SLC35D4: variants seen among roughly 807,000 people sequenced by gnomAD.
The protein encoded by SLC35D4 is UDP-N-acetylglucosamine transporter SLC35D4.
At chr18:23,417,417 C>T in the SLC35D4 span, among the ~76,000 whole-genome samples, 19 of 152,168 alleles carry the variant, frequency 1.2e-4, no homozygotes, top group African/African-American at 4.6e-4. Context: ...ATAAGTCAGA[C>T]ACCAAAGAAC....
chr18:23,357,784 G>C, the SLC35D4 span, among the ~76,000 whole-genome samples: 1 of 152,182 alleles, frequency 6.6e-6, no homozygotes, highest in Non-Finnish European at 1.5e-5. Flanking sequence ...TTTCTTTGGA[G>C]GGCTTTTTAA....
chr18:23,317,443 C>T, the SLC35D4 span, among the ~76,000 whole-genome samples: 2 of 152,208 alleles, frequency 1.3e-5, no homozygotes, highest in Admixed American at 1.3e-4. Context: ...CTTATCATCA[C>T]TGCAGGTATC....
chr18:23,285,870 T>C, the SLC35D4 span, among the ~76,000 whole-genome samples: 1 of 151,012 alleles, frequency 6.6e-6, no homozygotes, highest in East Asian at 2.0e-4. Context: ...TGGCTGGAGC[T>C]AAAGGCATAG....
chr18:23,413,956 TAAA>T, the SLC35D4 span, among the ~76,000 whole-genome samples: 1 of 133,442 alleles, frequency 7.5e-6, no homozygotes, highest in African/African-American at 2.8e-5. Context: ...AAAAAAAAAT[TAAA>T]AAAAAAAAAA....
chr18:23,242,844 C>G, the SLC35D4 span, among the ~76,000 whole-genome samples: 2 of 152,008 alleles, frequency 1.3e-5, no homozygotes, highest in Non-Finnish European at 2.9e-5. Context: ...TCCCTCTACC[C>G]CTACATCTCC....
the SLC35D4 span, among the ~76,000 whole-genome samples, chr18:23,329,277 G>A: frequency 6.6e-6 from 1 of 152,146 alleles, no homozygotes; most frequent in African/African-American, 2.4e-5. Context: ...GCAACCTACA[G>A]AATGGGAGAA....
the SLC35D4 span, among the ~76,000 whole-genome samples, chr18:23,333,060 A>G: frequency 6.6e-6 from 1 of 152,194 alleles, no homozygotes; most frequent in Non-Finnish European, 1.5e-5. Context: ...TGCACAAAGC[A>G]ATATGAAAAA....
chr18:23,251,234 C>T, the SLC35D4 span, among the ~76,000 whole-genome samples: 8 of 152,314 alleles, frequency 5.3e-5, no homozygotes, highest in African/African-American at 1.9e-4. Flanking sequence ...AGGTGGATCA[C>T]CTGAAGTCAG....
At chr18:23,415,171 T>C in the SLC35D4 span, among the ~76,000 whole-genome samples, 4 of 152,152 alleles carry the variant, frequency 2.6e-5, no homozygotes, top group Admixed American at 6.6e-5. Flanking sequence ...AAATGATTGG[T>C]TAACTGTTCA....
At chr18:23,397,075 G>C in the SLC35D4 span, among the ~76,000 whole-genome samples, 1 of 152,088 alleles carries the variant, frequency 6.6e-6, no homozygotes, top group Admixed American at 6.5e-5. Context: ...CTTAGTATCA[G>C]TACCTCTTTG....
the SLC35D4 span, among the ~76,000 whole-genome samples, chr18:23,321,548 C>G: frequency 1.3e-5 from 2 of 152,116 alleles, no homozygotes; most frequent in African/African-American, 4.8e-5. Flanking sequence ...CTTAACCTCC[C>G]AGGCTCAACT....
At chr18:23,417,874 G>C in the SLC35D4 span, among the ~76,000 whole-genome samples, 1 of 152,154 alleles carries the variant, frequency 6.6e-6, no homozygotes, top group Non-Finnish European at 1.5e-5. Flanking sequence ...GTGGTCCCCA[G>C]GCTATAATGT....
At chr18:23,313,092 A>ACTCCAGCC in the SLC35D4 span, among the ~76,000 whole-genome samples, 1 of 127,630 alleles carries the variant, frequency 7.8e-6, no homozygotes, top group Non-Finnish European at 1.6e-5. Context: ...ACGCCACTGC[A>ACTCCAGCC]CTCCAGCCTA....
At chr18:23,361,625 T>C in the SLC35D4 span, among the ~76,000 whole-genome samples, 11 of 152,326 alleles carry the variant, frequency 7.2e-5, no homozygotes, top group African/African-American at 2.6e-4. Context: ...TCAAGAGCAG[T>C]GTCCCAGGAC....
chr18:23,403,062 T>C, the SLC35D4 span, among the ~76,000 whole-genome samples: 9 of 152,128 alleles, frequency 5.9e-5, no homozygotes, highest in Non-Finnish European at 8.8e-5. Flanking sequence ...GCCAAGGTCG[T>C]GCCACTGCAC....
the SLC35D4 span, chr18:23,370,427 C>T: frequency 1.6e-6 from 1 of 632,488 alleles, no homozygotes. Context: ...AGACCATCAA[C>T]ATTTGGAAGG....
the SLC35D4 span, among the ~76,000 whole-genome samples, chr18:23,343,900 CT>C: frequency 0.013 from 1,763 of 140,712 alleles, 25 homozygotes; most frequent in African/African-American, 0.038. Context: ...TGATCTCATT[CT>C]TTTTTTTTTT....
chr18:23,369,999 G>A, the SLC35D4 span, among the ~76,000 whole-genome samples: 1 of 152,102 alleles, frequency 6.6e-6, no homozygotes, highest in Non-Finnish European at 1.5e-5. Context: ...TGACTAACAT[G>A]GAGAAACCCC....
chr18:23,292,685 C>T, the SLC35D4 span, among the ~76,000 whole-genome samples: 1 of 152,178 alleles, frequency 6.6e-6, no homozygotes, highest in East Asian at 1.9e-4. Flanking sequence ...AACCTAGATT[C>T]GAGTCCCAGC....
Sources: gnomAD v4.1 joint callset for allele counts (sites outside exome capture counted in the v4.1 genomes callset) on GRCh38, gnomAD v4.1.1 for gene constraint, MANE v1.5 for transcripts, NCBI Gene and HGNC (gene_info 2026-07-23, HGNC 2026-07-21) for gene names.